The following GOLGA7B variants were observed in gnomAD, a reference collection of about 807,000 sequenced individuals.
GOLGA7B encodes the protein golgin A7 family member B, also known as golgin subfamily A member 7B.
In GOLGA7B, 17 loss-of-function variants were observed where a neutral mutation model predicts 21.5. The ratio of observed to expected loss-of-function variants is 0.79; its 90% CI spans 0.54 to 1.19. GOLGA7B has a LOEUF of 1.19. GOLGA7B is among the 50% of genes most tolerant of loss of function. GOLGA7B has a pLI of 0.00. For synonymous variants in GOLGA7B, 87 were observed against 84.0 expected (o/e 1.04, Z -0.19); for missense variants, 169 against 224.4 (o/e 0.75, Z 1.58).
intron 1 of GOLGA7B, among the ~76,000 whole-genome samples, chr10:97,857,739 A>T (rs2049945387): frequency 1.3e-5 from 2 of 152,200 alleles, no homozygotes; most frequent in South Asian, 4.1e-4. Flanking sequence ...CCTGACGTTA[A>T]ATTATACTAC....
intron 1 of GOLGA7B, among the ~76,000 whole-genome samples, 168 bp downstream of exon 1, chr10:97,850,483 C>T (rs1051629731): frequency 6.6e-6 from 1 of 152,020 alleles, no homozygotes; most frequent in Non-Finnish European, 1.5e-5. Context: ...CTCATCTCCC[C>T]CTTGCGTGTC....
intron 1 of GOLGA7B, among the ~76,000 whole-genome samples, chr10:97,855,931 C>T (rs2049932450): frequency 1.3e-5 from 2 of 152,242 alleles, no homozygotes; most frequent in South Asian, 4.1e-4. Flanking sequence ...GTACATACAG[C>T]AAGGTCCACC....
At position 97,868,501 on chromosome 10, in the gene GOLGA7B, T is replaced by G. The variant is rs985151221; in HGVS notation, c.*2801T>G. 6.6e-6 allele frequency: 1 copy of G among 152,218 alleles called. No homozygotes were observed. The highest frequency in any genetic ancestry group is 1.5e-5 in the Non-Finnish European group (1 of 68,060). The allele number at this position is 152,218 out of a possible 1,614,324, so 9.4% of individuals were successfully genotyped here. A position where few individuals can be genotyped will look rare whatever the true frequency, so the allele number is the denominator to read the frequency against. On this transcript the variant is annotated 3_prime_UTR_variant, in exon 5 of 5. Transcript: ENST00000370602. ...CTCATCAGACTGTGGGGACAACGGCTCCAGCCTCTTAGGTGGGGGCTGGGC... is the reference window on the plus strand; with the variant it reads ...CTCATCAGACTGTGGGGACAACGGCGCCAGCCTCTTAGGTGGGGGCTGGGC...
chr10:97,865,618 GCAGCAGTGGCAGCTC>G lies in GOLGA7B; in HGVS notation c.429_443del (p.Ser148_Ser152del), dbSNP rs776864978. ...GAGATCTCCATCTACGAGGACCGGT[GCAGCAGTGGCAGCTC>G]CAGCAGCGGCAGCAGCAGCGGCAGT... On this transcript the variant is annotated inframe_deletion, in exon 5 of 5. Transcript: ENST00000370602. 6.2e-7 allele frequency: 1 copy of G among 1,613,476 alleles called. No individual in the cohort carries two copies. The highest frequency in any genetic ancestry group is 8.5e-7 in the Non-Finnish European group (1 of 1,179,672).
chr10:97,852,673 A>T (rs759169281), intron 1 of GOLGA7B, among the ~76,000 whole-genome samples: 3 of 148,714 alleles, frequency 2.0e-5, no homozygotes, highest in Non-Finnish European at 3.0e-5. Context: ...CTCTAGGAGA[A>T]GCTGTATTGA....
intron 2 of GOLGA7B, among the ~76,000 whole-genome samples, chr10:97,860,519 T>C (rs2049964142): frequency 6.6e-6 from 1 of 152,060 alleles, no homozygotes; most frequent in African/African-American, 2.4e-5. Flanking sequence ...TCCTGGCTAA[T>C]TTATTGTAAT....
At chr10:97,853,803 A>C (rs1564864306) in intron 1 of GOLGA7B, among the ~76,000 whole-genome samples, 1 of 152,182 alleles carries the variant, frequency 6.6e-6, no homozygotes, top group Non-Finnish European at 1.5e-5. Flanking sequence ...ATCTCTGCTG[A>C]AAACCCCACC....
chr10:97,866,017 C>T lies in GOLGA7B; in HGVS notation c.*317C>T. On this transcript the variant is annotated 3_prime_UTR_variant, in exon 5 of 5. Transcript: ENST00000370602. ...AGAACACAACCTAGGCGGCCCCTCTCTTCCACAGCCCCTCTCCCAACCCTG... is the reference window on the plus strand; with the variant it reads ...AGAACACAACCTAGGCGGCCCCTCTTTTCCACAGCCCCTCTCCCAACCCTG... The T allele has an allele frequency of 2.7e-6, 1 of 369,484 alleles. No individual in the cohort carries two copies. The highest frequency in any genetic ancestry group is 4.9e-6 in the Non-Finnish European group (1 of 204,480). 22.9% of individuals were successfully genotyped at this position (369,484 alleles called of 1,614,324 possible). A position where few individuals can be genotyped will look rare whatever the true frequency, so the allele number is the denominator to read the frequency against.
chr10:97,865,202 A>G (rs1228575847), intron 4 of GOLGA7B: 1 of 225,140 alleles, frequency 4.4e-6, no homozygotes, highest in Admixed American at 5.5e-5. Context: ...TAGCTTTGTG[A>G]GTTCCTGAAT....
intron 2 of GOLGA7B, among the ~76,000 whole-genome samples, chr10:97,861,500 G>C (rs2049970963): frequency 6.6e-6 from 1 of 152,248 alleles, no homozygotes. Context: ...TCAGCCAAGG[G>C]CTCTGCCTAC....
rs1026838145 is a variant in GOLGA7B at position 97,866,384 on chromosome 10, T to TG, written c.*690dup. 3 of 152,050 alleles carry TG rather than the reference T, an allele frequency of 2.0e-5. No homozygotes were observed. The highest frequency in any genetic ancestry group is 6.5e-5 in the Admixed American group (1 of 15,288). 9.4% of individuals were successfully genotyped at this position (152,050 alleles called of 1,614,324 possible). ...ACTTTGCAGGCTGCCAGGTGCTGGT[T>TG]GGGGGGCACAGAGCCTGGGGCTCTG... On this transcript the variant is annotated 3_prime_UTR_variant, in exon 5 of 5. Coordinates refer to ENST00000370602, the MANE Select transcript of GOLGA7B (RefSeq NM_001010917.3).
At position 97,850,002 on chromosome 10, in the gene GOLGA7B, C is replaced by G. The variant is rs1392171085; in HGVS notation, c.-302C>G. Among the ~76,000 whole-genome samples, 1 of 150,506 alleles carries G rather than the reference C, an allele frequency of 6.6e-6. No homozygotes were observed. The highest frequency in any genetic ancestry group is 1.9e-4 in the East Asian group (1 of 5,130). ...CGCCGCCGCCAAAGCTAAACCCGGC[C>G]GTTGCCTGCAGGAGCCGCGGCAGCG... is the stretch of plus-strand genomic sequence containing the variant. On this transcript the variant is annotated 5_prime_UTR_variant, in exon 1 of 5. Coordinates refer to ENST00000370602, the MANE Select transcript of GOLGA7B (RefSeq NM_001010917.3).
chr10:97,850,400 G>T, intron 1 of GOLGA7B, 85 bp downstream of exon 1: 1 of 1,241,992 alleles, frequency 8.1e-7, no homozygotes. Flanking sequence ...GGAGTGGGAG[G>T]CGGGAGTTGG....
chr10:97,865,822 GTGGGAGGGA>G lies in GOLGA7B; in HGVS notation c.*123_*131del. 56 of 1,154,488 alleles carry G rather than the reference GTGGGAGGGA, an allele frequency of 4.9e-5. No homozygotes were observed. The highest frequency in any genetic ancestry group is 3.2e-4 in the Middle Eastern group (1 of 3,096). 71.5% of individuals were successfully genotyped at this position (1,154,488 alleles called of 1,614,324 possible). ...CTTTGGGCTCACCCTGCTGCCCGGG[GTGGGAGGGA>G]GGGTGACGGGCCTCATATTTCCTGT... On this transcript the variant is annotated 3_prime_UTR_variant, in exon 5 of 5. Transcript: ENST00000370602.
chr10:97,871,497 G>A lies in GOLGA7B; in HGVS notation c.*5797G>A, dbSNP rs1179756467. 1 of 152,238 alleles carries A rather than the reference G, an allele frequency of 6.6e-6. No homozygotes were observed. The highest frequency in any genetic ancestry group is 1.5e-5 in the Non-Finnish European group (1 of 68,042). 9.4% of individuals were successfully genotyped at this position (152,238 alleles called of 1,614,324 possible). A position where few individuals can be genotyped will look rare whatever the true frequency, so the allele number is the denominator to read the frequency against. On this transcript the variant is annotated 3_prime_UTR_variant, in exon 5 of 5. Coordinates refer to ENST00000370602, the MANE Select transcript of GOLGA7B (RefSeq NM_001010917.3). ...GCCTCATGATGTAGATTTATAGCAGGCTTCAGATTCTGGCATAGAATAAAC... is the reference window on the plus strand; with the variant it reads ...GCCTCATGATGTAGATTTATAGCAGACTTCAGATTCTGGCATAGAATAAAC...
At chr10:97,850,460 G>A in intron 1 of GOLGA7B, 145 bp downstream of exon 1, 3 of 578,350 alleles carry the variant, frequency 5.2e-6, no homozygotes, top group African/African-American at 2.0e-5. Context: ...AGGAGGTAGG[G>A]GCTTAGTGAG....
In GOLGA7B at chr10:97,864,253, A is replaced by C. The variant is rs1303319248; in HGVS notation, c.377A>C (p.Glu126Ala). The C allele has an allele frequency of 6.2e-7, 1 of 1,613,874 alleles. No individual in the cohort carries two copies. The highest frequency in any genetic ancestry group is 8.5e-7 in the Non-Finnish European group (1 of 1,179,760). The change falls in exon 4 of 5, where the codon GAG becomes GCG. Residue 126 changes from glutamate to alanine, a missense_variant. Glu to Ala is a moderately radical substitution (Grantham distance 107). Transcript: ENST00000370602. ...PRGLLLTDPV[E>A]RGMRVIEISI... Reference sequence around the variant, plus strand: ...GGCCTCCTACTTACAGACCCTGTGGAGCGTGGGATGAGGGTTGTATCCTTC... The same window carrying C: ...GGCCTCCTACTTACAGACCCTGTGGCGCGTGGGATGAGGGTTGTATCCTTC...
Position 97,864,588 on chromosome 10 carries a change from A to G in GOLGA7B, c.393+319A>G, listed in dbSNP as rs115437820. Among the ~76,000 whole-genome samples, 1,159 of 152,312 alleles carry G rather than the reference A, an allele frequency of 7.6e-3. 19 individuals are homozygous for G. Among genetic ancestry groups the G allele is most frequent in the African/African-American group, 0.027 (1,107 of 41,550 alleles). Reference sequence around the variant, plus strand: ...TGGGTTGCTCTGATTATTCCCAGCAACCTGCTTAGAGTCGTGCAGCTGGTG... The same window carrying G: ...TGGGTTGCTCTGATTATTCCCAGCAGCCTGCTTAGAGTCGTGCAGCTGGTG... On this transcript the variant is annotated intron_variant, in intron 4 of 4. Coordinates refer to ENST00000370602, the MANE Select transcript of GOLGA7B (RefSeq NM_001010917.3).
intron 1 of GOLGA7B, among the ~76,000 whole-genome samples, chr10:97,850,579 T>G (rs995099064): frequency 6.6e-6 from 1 of 152,218 alleles, no homozygotes; most frequent in African/African-American, 2.4e-5. Context: ...GGCCCCAGGC[T>G]GGGGTTTCCC....
Sources: allele counts gnomAD v4.1 joint callset (sites outside exome capture counted in the v4.1 genomes callset), GRCh38; gene constraint gnomAD v4.1.1; transcripts MANE v1.5; gene names NCBI Gene and HGNC (gene_info 2026-07-23, HGNC 2026-07-21).